Variants in QRICH1 observed in about 807,000 individuals in gnomAD.
QRICH1 encodes glutamine rich 1, also known as transcriptional regulator QRICH1.
QRICH1 carries 16 observed loss-of-function variants against 87.1 expected under a neutral mutation model. The ratio of observed to expected loss-of-function variants is 0.18; its 90% CI spans 0.12 to 0.28. The LOEUF (loss-of-function observed/expected upper bound fraction) is 0.28. Ranked by LOEUF, QRICH1 falls within the 10% of genes least tolerant of loss-of-function variation. QRICH1 has a pLI of 1.00. For synonymous variants in QRICH1, 367 were observed against 368.4 expected (o/e 1.00, Z 0.05); for missense variants, 647 against 951.7 (o/e 0.68, Z 4.21).
At chr3:49,031,208 G>C (rs1046983199) in intron 9 of QRICH1, among the ~76,000 whole-genome samples, 1 of 151,928 alleles carries the variant, frequency 6.6e-6, no homozygotes, top group Admixed American at 6.6e-5. Flanking sequence ...GGCTGGTCTC[G>C]AACTCCTGAC....
At chr3:49,079,706 G>C (rs2042021746) in intron 1 of QRICH1, among the ~76,000 whole-genome samples, 1 of 152,032 alleles carries the variant, frequency 6.6e-6, no homozygotes, top group Admixed American at 6.6e-5. Flanking sequence ...GTTCCCCTTT[G>C]TTAATAGCAC....
At chr3:49,086,641 G>C (rs939868114) in intron 1 of QRICH1, among the ~76,000 whole-genome samples, 1 of 152,150 alleles carries the variant, frequency 6.6e-6, no homozygotes, top group Middle Eastern at 3.4e-3. Flanking sequence ...TTTATTATTA[G>C]AACATAAGAT....
At chr3:49,030,975 T>C (rs928533163) in intron 9 of QRICH1, among the ~76,000 whole-genome samples, 4 of 150,168 alleles carry the variant, frequency 2.7e-5, no homozygotes, top group East Asian at 2.0e-4. Flanking sequence ...AAAGCGTCTA[T>C]CTCCAAGTCT....
At chr3:49,068,927 G>A (rs1005923917) in intron 2 of QRICH1, among the ~76,000 whole-genome samples, 8 of 150,520 alleles carry the variant, frequency 5.3e-5, no homozygotes, top group South Asian at 4.2e-4. Flanking sequence ...AACCACACCC[G>A]GCCAAACTTG....
Position 49,057,117 on chromosome 3 carries a change from C to T in QRICH1, c.1083G>A (p.Met361Ile), listed in dbSNP as rs2093407110. 6.2e-7 allele frequency: 1 copy of T among 1,614,200 alleles called. No individual in the cohort carries two copies. The highest frequency in any genetic ancestry group is 8.5e-7 in the Non-Finnish European group (1 of 1,180,048). ...AVKLEDDKEK[M>I]VGTTSVVKNS... is the part of the protein sequence containing the mutation. ...TTTTCACTACAGATGTGGTGCCCACCATCTTCTCCTTGTCATCCTCCAGCT... is the reference window on the plus strand; with the variant it reads ...TTTTCACTACAGATGTGGTGCCCACTATCTTCTCCTTGTCATCCTCCAGCT... Residue 361 changes from methionine to isoleucine, a missense_variant, in exon 3 of 10, where the codon ATG (methionine) becomes ATA (isoleucine). Around this residue, in one of 7 missense-constraint regions of QRICH1, gnomAD observed 115 missense variants for 126.8 expected, o/e 0.91. Coordinates refer to ENST00000395443, the MANE Select transcript of QRICH1 (RefSeq NM_198880.3). This position sits in a 1 kb window ranked among gnomAD's most constrained non-coding sequence, Gnocchi z 5.4.
intron 1 of QRICH1, among the ~76,000 whole-genome samples, chr3:49,079,644 C>A (rs948779432): frequency 6.6e-6 from 1 of 152,010 alleles, no homozygotes; most frequent in Non-Finnish European, 1.5e-5. Flanking sequence ...GGCTACTTGG[C>A]TTAGGTGATC....
At chr3:49,042,358 C>CA (rs2093315687) in intron 6 of QRICH1, among the ~76,000 whole-genome samples, 1 of 152,132 alleles carries the variant, frequency 6.6e-6, no homozygotes, top group African/African-American at 2.4e-5. Flanking sequence ...CTCGGCCTCC[C>CA]AAAGTGCTGG....
intron 6 of QRICH1, among the ~76,000 whole-genome samples, chr3:49,036,979 G>A (rs942646188): frequency 1.3e-5 from 2 of 150,324 alleles, no homozygotes; most frequent in Non-Finnish European, 1.5e-5. Flanking sequence ...TGGGAGGATC[G>A]CTTGGGCCCA....
intron 6 of QRICH1, among the ~76,000 whole-genome samples, chr3:49,044,072 C>T (rs557407795): frequency 6.6e-6 from 1 of 152,272 alleles, no homozygotes. Flanking sequence ...AAAAATTATG[C>T]TCTACAGATA....
At chr3:49,044,562 G>A in intron 5 of QRICH1, 58 bp from the exon 6 acceptor site, 1 of 1,235,736 alleles carries the variant, frequency 8.1e-7, no homozygotes, top group Non-Finnish European at 1.2e-6. Flanking sequence ...GGATTTCAGG[G>A]GAAATAAATA....
At chr3:49,051,132 A>T (rs991816052) in intron 3 of QRICH1, among the ~76,000 whole-genome samples, 2 of 151,950 alleles carry the variant, frequency 1.3e-5, no homozygotes, top group Admixed American at 6.6e-5. Flanking sequence ...TCCAATCACT[A>T]TTCTGTCTAC....
intron 2 of QRICH1, among the ~76,000 whole-genome samples, chr3:49,070,500 C>A (rs188305101): frequency 2.6e-5 from 4 of 151,610 alleles, no homozygotes; most frequent in Non-Finnish European, 4.4e-5. Flanking sequence ...AGTGCAGTGG[C>A]GTGATCACAG....
At chr3:49,032,425 G>A in intron 8 of QRICH1, 152 bp from the exon 9 acceptor site, 1 of 845,994 alleles carries the variant, frequency 1.2e-6, no homozygotes, top group African/African-American at 1.7e-5. Flanking sequence ...ACTACTAAGG[G>A]AAGAGGCAGC....
At chr3:49,093,681 C>T in intron 1 of QRICH1, 1 of 211,228 alleles carries the variant, frequency 4.7e-6, no homozygotes, top group Non-Finnish European at 9.4e-6. Flanking sequence ...GCCGCGCGCC[C>T]GCACCGGCGC....
Position 49,044,369 on chromosome 3 carries a change from A to T in QRICH1, c.1786+21T>A, listed in dbSNP as rs2093327747. 5.2e-6 allele frequency: 8 copies of T among 1,542,680 alleles called. No homozygotes were observed. In the South Asian group the frequency reaches 9.3e-5, roughly 18 times the overall value. ...TTAAATCCAGGTAGGAAAGATATCCAAGGACAAGGGAGACTCTTACCAAGT... is the reference window on the plus strand; with the variant it reads ...TTAAATCCAGGTAGGAAAGATATCCTAGGACAAGGGAGACTCTTACCAAGT... On this transcript the variant is annotated intron_variant, in intron 6 of 9. Transcript: ENST00000395443.
At position 49,062,893 on chromosome 3, in the gene QRICH1, G is replaced by A. The variant is rs372605264; in HGVS notation, c.310-5003C>T. 9.2e-5 allele frequency among the ~76,000 whole-genome samples: 14 copies of A among 151,808 alleles called. No homozygotes were observed. The East Asian group carries it at 1.6e-3, about 17-fold the overall frequency. The stretch of plus-strand genomic sequence containing the variant: ...CGGGTGCCTGTAGTCCCAGCTACTC[G>A]GGAGGCTGAGACAGGAGAATGGCGT... On this transcript the variant is annotated intron_variant, in intron 2 of 9. Transcript: ENST00000395443.
chr3:49,046,728 A>G (rs1329902923), intron 4 of QRICH1, 149 bp from the exon 5 acceptor site: 8 of 911,490 alleles, frequency 8.8e-6, no homozygotes, highest in Non-Finnish European at 1.1e-5. Flanking sequence ...GAACTGGCCT[A>G]TAACATGAGT....
intron 2 of QRICH1, among the ~76,000 whole-genome samples, chr3:49,058,484 C>T (rs945497939): frequency 4.6e-5 from 7 of 152,064 alleles, no homozygotes; most frequent in African/African-American, 1.7e-4. Flanking sequence ...TGCCACCATA[C>T]CCAGCTAATT....
chr3:49,035,851 G>A (rs1423900689), intron 6 of QRICH1, among the ~76,000 whole-genome samples: 1 of 150,252 alleles, frequency 6.7e-6, no homozygotes, highest in Non-Finnish European at 1.5e-5. Flanking sequence ...AAGGCAGGTG[G>A]ATCACTGGAA....
Sources: allele counts gnomAD v4.1 joint callset (sites outside exome capture counted in the v4.1 genomes callset), GRCh38; gene constraint gnomAD v4.1.1; regional missense constraint gnomAD v4.1.1; non-coding constraint Gnocchi (gnomAD v3.1); transcripts MANE v1.5; gene names NCBI Gene and HGNC (gene_info 2026-07-23, HGNC 2026-07-21).